Variants in USP40 observed in about 807,000 individuals in gnomAD.
USP40 encodes the protein ubiquitin specific peptidase 40.
Under a neutral mutation model 166.2 loss-of-function variants are expected in USP40, and 143 were observed. The observed-to-expected ratio is 0.86, with a 90% CI of 0.75 to 0.99. USP40 has a LOEUF of 0.99. Ranked by LOEUF, USP40 falls within the 50% of genes least tolerant of loss-of-function variation. USP40 has a pLI of 0.00. For missense variants in USP40, 1,444 were observed against 1,479.7 expected (o/e 0.98, Z 0.40); for synonymous variants, 498 against 524.0 (o/e 0.95, Z 0.68).
At chr2:233,494,957 TA>T (rs2065630617) in intron 24 of USP40, among the ~76,000 whole-genome samples, 1 of 14,416 alleles carries the variant, frequency 6.9e-5, no homozygotes, top group Non-Finnish European at 1.3e-4. Context: ...TATATATATT[TA>T]TATATATATA....
At chr2:233,483,143 C>A (rs1411733597) in intron 30 of USP40, among the ~76,000 whole-genome samples, 2 of 152,184 alleles carry the variant, frequency 1.3e-5, no homozygotes, top group African/African-American at 4.8e-5. Context: ...AAAGTTCTCA[C>A]TTCTAATGTA....
chr2:233,531,662 C>T lies in USP40; in HGVS notation c.1471+1817G>A, dbSNP rs540431543. On this transcript the variant is annotated intron_variant, in intron 11 of 31. Coordinates refer to ENST00000678225, the MANE Select transcript of USP40 (RefSeq NM_001365479.2). ...TTTCATTAACAGCATAGTTATGTAA[C>T]TGTTTTAGATCTGGAAAGTTAATTT... 1.6e-4 allele frequency among the ~76,000 whole-genome samples: 24 copies of T among 152,256 alleles called. No homozygotes were observed. In the South Asian group the frequency reaches 4.8e-3, roughly 30 times the overall value.
intron 21 of USP40, among the ~76,000 whole-genome samples, chr2:233,506,552 A>G (rs1354172079): frequency 6.6e-6 from 1 of 152,138 alleles, no homozygotes; most frequent in African/African-American, 2.4e-5. Flanking sequence ...GAAACAACAG[A>G]GTAAAGAGAC....
chr2:233,517,590 T>C (rs1056174982), intron 18 of USP40, among the ~76,000 whole-genome samples: 5 of 152,162 alleles, frequency 3.3e-5, no homozygotes, highest in Non-Finnish European at 5.9e-5. Flanking sequence ...GGTTTCACCA[T>C]GTTAGCCAGG....
In USP40 at chr2:233,477,060, T is replaced by A. The variant is rs1575200281; in HGVS notation, c.*332A>T. On this transcript the variant is annotated 3_prime_UTR_variant, in exon 32 of 32. Coordinates refer to ENST00000678225, the MANE Select transcript of USP40 (RefSeq NM_001365479.2). ...AGCGGAGCAACGGCATGCCGCTGCC[T>A]CCATACCTGCGGTTCACGCACACGT... The A allele has an allele frequency of 2.8e-6, 1 of 363,334 alleles. No homozygotes were observed. Among genetic ancestry groups the A allele is most frequent in the Non-Finnish European group, 5.4e-6 (1 of 186,678 alleles). The allele number at this position is 363,334 out of a possible 1,614,324, so 22.5% of individuals were successfully genotyped here.
At chr2:233,554,874 G>C (rs2070915565) in intron 5 of USP40, among the ~76,000 whole-genome samples, 1 of 152,162 alleles carries the variant, frequency 6.6e-6, no homozygotes, top group African/African-American at 2.4e-5. Flanking sequence ...TTTTAGACTA[G>C]ACTATAAGAG....
At chr2:233,534,300 A>T (rs2068779609) in intron 10 of USP40, among the ~76,000 whole-genome samples, 1 of 152,192 alleles carries the variant, frequency 6.6e-6, no homozygotes, top group Admixed American at 6.5e-5. Context: ...AAAGCATAGT[A>T]AGGGTTAAGT....
chr2:233,538,242 A>G (rs954036604), intron 10 of USP40, among the ~76,000 whole-genome samples: 9 of 152,178 alleles, frequency 5.9e-5, no homozygotes, highest in African/African-American at 2.2e-4. Context: ...TAGAGGAGAA[A>G]TAGAAAACAA....
intron 31 of USP40, among the ~76,000 whole-genome samples, chr2:233,479,419 T>C (rs768157511): frequency 2.0e-5 from 3 of 152,002 alleles, no homozygotes; most frequent in Non-Finnish European, 4.4e-5. Flanking sequence ...AAAAATTAGC[T>C]GGGCATAGTG....
intron 21 of USP40, among the ~76,000 whole-genome samples, chr2:233,509,019 C>A (rs2066617849): frequency 6.6e-6 from 1 of 152,140 alleles, no homozygotes; most frequent in African/African-American, 2.4e-5. Flanking sequence ...TCAGGCTCAT[C>A]TTATTTCCTG....
chr2:233,542,352 A>T lies in USP40; in HGVS notation c.978T>A (p.Ser326Arg). Reference protein sequence around the residue: ...LGNWQFQEEKSKPDVNLKDLQ... With the variant: ...LGNWQFQEEKRKPDVNLKDLQ... ...GATCTTTCAGATTCACATCTGGTTT[A>T]CTTTTTTCCTCCTAGGAAGGAAAAC... Residue 326 changes from serine to arginine, a missense_variant, in exon 9 of 32, where the codon AGT becomes AGA. Coordinates refer to ENST00000678225, the MANE Select transcript of USP40 (RefSeq NM_001365479.2). 1 of 1,550,850 alleles carries T rather than the reference A, an allele frequency of 6.4e-7. No homozygotes were observed. The highest frequency in any genetic ancestry group is 8.7e-7 in the Non-Finnish European group (1 of 1,147,540).
chr2:233,562,695 C>A, intron 3 of USP40, 41 bp downstream of exon 3: 1 of 1,382,624 alleles, frequency 7.2e-7, no homozygotes, highest in South Asian at 1.5e-5. Flanking sequence ...TGCACATGTA[C>A]CCTAAAACTT....
chr2:233,507,869 A>G lies in USP40; in HGVS notation c.2613+2180T>C, dbSNP rs148116537. Among the ~76,000 whole-genome samples, 45 of 151,542 alleles carry G rather than the reference A, an allele frequency of 3.0e-4. No individual in the cohort carries two copies. In the East Asian group the frequency reaches 7.3e-3, roughly 25 times the overall value. On this transcript the variant is annotated intron_variant, in intron 21 of 31. Coordinates refer to ENST00000678225, the MANE Select transcript of USP40 (RefSeq NM_001365479.2). ...CTCACCACCAAGAAATGCTAAGTGC[A>G]TGAGGTAATGAGTATGCTAAATACC...
At chr2:233,532,747 A>G (rs2068639904) in intron 11 of USP40, among the ~76,000 whole-genome samples, 1 of 151,988 alleles carries the variant, frequency 6.6e-6, no homozygotes, top group African/African-American at 2.4e-5. Context: ...TTCAAGACCA[A>G]CCTGGGCAAT....
Position 233,554,459 on chromosome 2 carries a change from A to C in USP40, c.614T>G (p.Met205Arg). 5 of 1,613,368 alleles carry C rather than the reference A, an allele frequency of 3.1e-6. No homozygotes were observed. Among genetic ancestry groups the C allele is most frequent in the Non-Finnish European group, 4.2e-6 (5 of 1,179,684 alleles). The change falls in exon 6 of 32, where the codon ATG (methionine) becomes AGG (arginine). Residue 205 changes from methionine to arginine, a missense_variant. Transcript: ENST00000678225. Reference sequence around the variant, plus strand: ...ATCAAAAACTTCCTCTTCTACATACATGTTCCAGAGAGCATCTTCCAAACC... The same window carrying C: ...ATCAAAAACTTCCTCTTCTACATACCTGTTCCAGAGAGCATCTTCCAAACC... ...VSGLEDALWN[M>R]YVEEEVFDCD...
At chr2:233,477,854 G>A (rs1325643186) in intron 31 of USP40, among the ~76,000 whole-genome samples, 4 of 152,220 alleles carry the variant, frequency 2.6e-5, no homozygotes, top group South Asian at 2.1e-4. Context: ...TGCACGACTC[G>A]TCACAATCAC....
chr2:233,547,168 T>C (rs1021861888), intron 8 of USP40: 3 of 152,216 alleles, frequency 2.0e-5, no homozygotes, highest in African/African-American at 7.2e-5. Flanking sequence ...AGATTATTGG[T>C]TGTTAGTGTA....
rs2065490088 is a variant in USP40, at chr2:233,493,639, A to T, written c.2791-88T>A. ...TTCCATAGAAAGAAACACCTTGATG[A>T]CCTAAGATGTTCTTGAACTTATCAT... On this transcript the variant is annotated intron_variant, in intron 24 of 31. Transcript: ENST00000678225. This position sits in a 1 kb window ranked among gnomAD's most constrained non-coding sequence, Gnocchi z 4.7. 1.5e-6 allele frequency: 2 copies of T among 1,372,342 alleles called. No homozygotes were observed. Among genetic ancestry groups the T allele is most frequent in the East Asian group, 5.0e-5 (2 of 40,024 alleles). The allele number at this position is 1,372,342 out of a possible 1,614,324, so 85.0% of individuals were successfully genotyped here. A position where few individuals can be genotyped will look rare whatever the true frequency, so the allele number is the denominator to read the frequency against.
At chr2:233,488,505 T>C (rs1428587249) in intron 27 of USP40, among the ~76,000 whole-genome samples, 1 of 152,252 alleles carries the variant, frequency 6.6e-6, no homozygotes, top group Non-Finnish European at 1.5e-5. Context: ...CATTTCTTAC[T>C]AAACATGTAG....
Sources: gnomAD v4.1 joint callset for allele counts (sites outside exome capture counted in the v4.1 genomes callset) on GRCh38, gnomAD v4.1.1 for gene constraint, Gnocchi (gnomAD v3.1) non-coding constraint, MANE v1.5 for transcripts, NCBI Gene and HGNC (gene_info 2026-07-23, HGNC 2026-07-21) for gene names.